WAC: variants seen among roughly 807,000 people sequenced by gnomAD.
The protein encoded by WAC is WW domain containing adaptor with coiled-coil, also known as WW domain-containing adapter protein with coiled-coil.
In WAC, 11 loss-of-function variants were observed where a neutral mutation model predicts 79.6. The ratio of observed to expected loss-of-function variants is 0.14; its 90% confidence interval spans 0.09 to 0.23. WAC has a LOEUF of 0.23. WAC is among the 10% of genes least tolerant of loss of function. WAC has a pLI of 1.00. For synonymous variants in WAC, 304 were observed against 276.9 expected (o/e 1.10, Z -0.97); for missense variants, 728 against 773.5 (o/e 0.94, Z 0.70).
At chr10:28,594,546 C>T (rs1267015756) in intron 6 of WAC, among the ~76,000 whole-genome samples, 1 of 152,096 alleles carries the variant, frequency 6.6e-6, no homozygotes, top group African/African-American at 2.4e-5. Context: ...CAGAAGACCT[C>T]GTGCTTTGAT....
Position 28,552,845 on chromosome 10 carries a change from C to CTTTTTTT in WAC, c.274+17105_274+17111dup, listed in dbSNP as rs3029447. ...GACAGTGAGCAAATCCACTTGGCTG[C>CTTTTTTT]TTTTTTTTTTTTTTTTTTTTTTTGT... is the stretch of plus-strand genomic sequence containing the variant. On this transcript the variant is annotated intron_variant, in intron 3 of 13. Transcript: ENST00000354911. Among the ~76,000 whole-genome samples, 724 of 84,272 alleles carry CTTTTTTT rather than the reference C, an allele frequency of 8.6e-3. 5 individuals are homozygous for CTTTTTTT. The highest frequency in any genetic ancestry group is 9.7e-3 in the East Asian group (22 of 2,264). 55.3% of individuals were successfully genotyped at this position (84,272 alleles called of 152,430 possible).
intron 3 of WAC, among the ~76,000 whole-genome samples, chr10:28,538,740 A>AT (rs1836826712): frequency 6.6e-6 from 1 of 151,192 alleles, no homozygotes; most frequent in African/African-American, 2.4e-5. Flanking sequence ...AAAAAAAAAA[A>AT]ATTTTTTTTT....
intron 4 of WAC, 63 bp downstream of exon 4, chr10:28,583,568 A>AAG: frequency 8.8e-7 from 1 of 1,136,862 alleles, no homozygotes; most frequent in Non-Finnish European, 1.2e-6. Flanking sequence ...AAAAAAAAAA[A>AAG]TACAACCCAT....
chr10:28,560,383 GC>G (rs1337007986), intron 3 of WAC, among the ~76,000 whole-genome samples: 1 of 152,000 alleles, frequency 6.6e-6, no homozygotes, highest in Non-Finnish European at 1.5e-5. Flanking sequence ...TGTGTGGGGG[GC>G]ACGATTTTAA....
intron 4 of WAC, among the ~76,000 whole-genome samples, chr10:28,586,748 G>A (rs1839838646): frequency 6.6e-6 from 1 of 152,078 alleles, no homozygotes; most frequent in African/African-American, 2.4e-5. Context: ...GATTATTTTA[G>A]ATTAGTTGTG....
intron 4 of WAC, among the ~76,000 whole-genome samples, chr10:28,585,531 T>G (rs562524598): frequency 2.6e-5 from 4 of 152,044 alleles, no homozygotes; most frequent in Non-Finnish European, 5.9e-5. Context: ...ATGGGTCATT[T>G]TCTTTTTCCT....
intron 3 of WAC, among the ~76,000 whole-genome samples, chr10:28,560,664 A>C (rs1444837270): frequency 6.6e-6 from 1 of 152,166 alleles, no homozygotes; most frequent in Non-Finnish European, 1.5e-5. Flanking sequence ...AAAGAAATTG[A>C]GTAAAGACCA....
At chr10:28,553,584 T>C (rs1837818726) in intron 3 of WAC, among the ~76,000 whole-genome samples, 1 of 152,202 alleles carries the variant, frequency 6.6e-6, no homozygotes, top group Non-Finnish European at 1.5e-5. Context: ...AAAGGCATTA[T>C]ATGGTTTTAT....
chr10:28,545,567 A>G (rs1053805670), intron 3 of WAC, among the ~76,000 whole-genome samples: 4 of 152,114 alleles, frequency 2.6e-5, no homozygotes, highest in African/African-American at 4.8e-5. Context: ...GAGTACACAG[A>G]AGGGAAGAGG....
chr10:28,540,454 A>G (rs1836949287), intron 3 of WAC, among the ~76,000 whole-genome samples: 1 of 152,160 alleles, frequency 6.6e-6, no homozygotes, highest in East Asian at 1.9e-4. Flanking sequence ...CAACTTGCCA[A>G]ATTATAGTAC....
chr10:28,549,687 G>T (rs1837555505), intron 3 of WAC, among the ~76,000 whole-genome samples: 1 of 152,106 alleles, frequency 6.6e-6, no homozygotes, highest in Non-Finnish European at 1.5e-5. Flanking sequence ...TCTTAATTAT[G>T]TTGTATTGAT....
At chr10:28,545,797 G>A (rs556975965) in intron 3 of WAC, among the ~76,000 whole-genome samples, 1 of 152,316 alleles carries the variant, frequency 6.6e-6, no homozygotes, top group East Asian at 1.9e-4. Flanking sequence ...TAATTGGACA[G>A]GCCAGTGAGA....
chr10:28,581,795 C>CG (rs1839551921), intron 3 of WAC, among the ~76,000 whole-genome samples: 1 of 152,076 alleles, frequency 6.6e-6, no homozygotes, highest in Admixed American at 6.6e-5. Context: ...TCCTGGACCT[C>CG]GGGTGATCCA....
intron 3 of WAC, among the ~76,000 whole-genome samples, chr10:28,539,204 C>T (rs1464733640): frequency 1.3e-5 from 2 of 152,124 alleles, no homozygotes; most frequent in Non-Finnish European, 2.9e-5. Context: ...GATTTCTTAG[C>T]ATCTTGGATT....
rs1206579874 is a variant in WAC, at chr10:28,622,584, G to C, written c.*2978G>C. The C allele has an allele frequency of 1.3e-5, 2 of 151,984 alleles. No individual in the cohort carries two copies. Among genetic ancestry groups the C allele is most frequent in the African/African-American group, 2.4e-5 (1 of 41,368 alleles). The allele number at this position is 151,984 out of a possible 1,614,324, so 9.4% of individuals were successfully genotyped here. On this transcript the variant is annotated 3_prime_UTR_variant, in exon 14 of 14. Transcript: ENST00000354911. ...TTTATTTTTCTAACTTGTCTAACCT[G>C]ATTTTAAAATGACTGCAATTCCAGA...
rs545339793 is a variant in WAC at position 28,568,235 on chromosome 10, T to C, written c.275-15164T>C. Among the ~76,000 whole-genome samples the C allele has an allele frequency of 3.3e-5, 5 of 152,382 alleles. No individual in the cohort carries two copies. The South Asian group carries it at 8.3e-4, about 25-fold the overall frequency. The stretch of plus-strand genomic sequence containing the variant: ...AGTTTACTTTTAACGTAATTTTCAG[T>C]GTCAGTTTGCTGTCGGATTCATCTG... On this transcript the variant is annotated intron_variant, in intron 3 of 13. Coordinates refer to ENST00000354911, the MANE Select transcript of WAC (RefSeq NM_016628.5).
intron 3 of WAC, among the ~76,000 whole-genome samples, chr10:28,548,819 C>T (rs1837505963): frequency 6.6e-6 from 1 of 152,138 alleles, no homozygotes; most frequent in Non-Finnish European, 1.5e-5. Context: ...TGGTAGCCAC[C>T]AGCTACGTGT....
At chr10:28,573,334 A>G (rs1839077155) in intron 3 of WAC, among the ~76,000 whole-genome samples, 1 of 151,896 alleles carries the variant, frequency 6.6e-6, no homozygotes, top group Admixed American at 6.6e-5. Context: ...TTACTGATCT[A>G]CTTTCTGTCT....
At chr10:28,547,599 A>G (rs1837425612) in intron 3 of WAC, among the ~76,000 whole-genome samples, 1 of 151,352 alleles carries the variant, frequency 6.6e-6, no homozygotes, top group Non-Finnish European at 1.5e-5. Context: ...GCACATTGGG[A>G]AATGTCTTCA....
Sources: allele counts gnomAD v4.1 joint callset (sites outside exome capture counted in the v4.1 genomes callset), GRCh38; gene constraint gnomAD v4.1.1; transcripts MANE v1.5; gene names NCBI Gene and HGNC (gene_info 2026-07-23, HGNC 2026-07-21).